GSG1L2: variants seen among roughly 807,000 people sequenced by gnomAD.
GSG1L2 encodes the protein germ cell-specific gene 1-like protein 2.
In GSG1L2, 15 loss-of-function variants were observed where a neutral mutation model predicts 9.0. That is an observed-to-expected ratio of 1.67 (90% CI 1.12 to 2.57). The LOEUF (loss-of-function observed/expected upper bound fraction) is 2.57. Ranked by LOEUF, GSG1L2 falls within the 30% of genes most tolerant of loss-of-function variation. The probability of loss-of-function intolerance (pLI) is 0.00; values close to 1 mark genes in which losing one functional copy is unlikely to be tolerated. For missense variants in GSG1L2, 286 were observed against 150.3 expected, an observed-to-expected ratio of 1.90 and a Z score of -4.72; for synonymous variants, 127 against 57.9, an observed-to-expected ratio of 2.19 and a Z score of -5.41.
At position 9,802,148 on chromosome 17, in the gene GSG1L2, G is replaced by C. The variant is rs1470759649; in HGVS notation, c.*238C>G. Among the ~76,000 whole-genome samples the C allele has an allele frequency of 6.6e-6, 1 of 152,148 alleles. No homozygotes were observed. The highest frequency in any genetic ancestry group is 2.4e-5 in the African/African-American group (1 of 41,422). On this transcript the variant is annotated 3_prime_UTR_variant, in exon 5 of 5. Coordinates refer to ENST00000399363, the MANE Select transcript of GSG1L2 (RefSeq NM_001310219.2). ...CATTAAGAAGCTCTCTTTTATACTAGAGTGTCAATGGTTGATATCTTCAGT... is the reference window on the plus strand; with the variant it reads ...CATTAAGAAGCTCTCTTTTATACTACAGTGTCAATGGTTGATATCTTCAGT...
intron 1 of GSG1L2, among the ~76,000 whole-genome samples, chr17:9,811,647 T>G (rs941809321): frequency 2.0e-5 from 3 of 152,180 alleles, no homozygotes; most frequent in African/African-American, 7.2e-5. Flanking sequence ...AATAGAATCA[T>G]AGACTGTCGA....
intron 1 of GSG1L2, among the ~76,000 whole-genome samples, chr17:9,818,501 ATTTTTTTTTTTTTT>A (rs377057350): frequency 3.6e-5 from 3 of 82,800 alleles, no homozygotes; most frequent in Middle Eastern, 9.3e-3. Context: ...ACACAGCTAA[ATTTTTTTTTTTTTT>A]TTTTTTTTTT....
In GSG1L2 at chr17:9,802,618, C is replaced by T. The variant is rs973842154; in HGVS notation, c.650G>A (p.Cys217Tyr). Reference sequence around the variant, plus strand: ...CATGGCCGAGACCGACACAGCCAGGCAGAGGGCGAAAGAACCCCAGGCAAG... The same window carrying T: ...CATGGCCGAGACCGACACAGCCAGGTAGAGGGCGAAAGAACCCCAGGCAAG... Reference protein sequence around the residue: ...YCLAWGSFALCLAVSVSAMSR... With the variant: ...YCLAWGSFALYLAVSVSAMSR... Residue 217 changes from cysteine to tyrosine, a missense_variant, in exon 5 of 5, where the codon TGC becomes TAC. By Grantham distance (194) the Cys-to-Tyr change is radical (BLOSUM62 -2). Transcript: ENST00000399363. 1.7e-5 allele frequency: 12 copies of T among 702,762 alleles called. No individual in the cohort carries two copies. Among genetic ancestry groups the T allele is most frequent in the Non-Finnish European group, 2.9e-5 (11 of 384,980 alleles). 43.5% of individuals were successfully genotyped at this position (702,762 alleles called of 1,614,324 possible). A position where few individuals can be genotyped will look rare whatever the true frequency, so the allele number is the denominator to read the frequency against.
chr17:9,808,739 G>C lies in GSG1L2; in HGVS notation c.511+91C>G, dbSNP rs76548690. 1.3e-3 allele frequency: 825 copies of C among 647,166 alleles called. 2 individuals carry two copies. The African/African-American group carries it at 0.013, about 11-fold the overall frequency. 40.1% of individuals were successfully genotyped at this position (647,166 alleles called of 1,614,324 possible). ...CTTAAATGGCCATTGATGGGAAAGA[G>C]CCAGCCTGTTCTTTGGTAATGAGCA... On this transcript the variant is annotated intron_variant, in intron 3 of 4. Transcript: ENST00000399363.
At chr17:9,813,720 G>A (rs1012349223) in intron 1 of GSG1L2, among the ~76,000 whole-genome samples, 43 of 152,154 alleles carry the variant, frequency 2.8e-4, no homozygotes, top group Non-Finnish European at 1.6e-4. Flanking sequence ...ATACCCTGGC[G>A]AGTCAGGCCA....
At chr17:9,809,321 G>A (rs759114275) in intron 2 of GSG1L2, 1 of 348,746 alleles carries the variant, frequency 2.9e-6, no homozygotes, top group Non-Finnish European at 5.5e-6. Context: ...CTGCCGGTGG[G>A]TTCATGGTCT....
At chr17:9,802,686 G>T in intron 4 of GSG1L2, 42 bp from the exon 5 acceptor site, 1 of 692,570 alleles carries the variant, frequency 1.4e-6, no homozygotes, top group South Asian at 1.5e-5. Context: ...TGAGGGCTGT[G>T]ATTCCAGGAC....
chr17:9,818,781 C>T (rs898252129), intron 1 of GSG1L2, among the ~76,000 whole-genome samples: 1 of 98,988 alleles, frequency 1.0e-5, no homozygotes, highest in Non-Finnish European at 1.8e-5. Flanking sequence ...CCACCTCTAA[C>T]AAAGGCGGAT....
At chr17:9,803,003 G>T (rs1308312691) in intron 4 of GSG1L2, among the ~76,000 whole-genome samples, 3 of 152,134 alleles carry the variant, frequency 2.0e-5, no homozygotes, top group African/African-American at 7.2e-5. Flanking sequence ...TGAATGCGTG[G>T]GAAGTATTAA....
chr17:9,816,655 CTGTGTGTGCGT>C (rs2066564819), intron 1 of GSG1L2, among the ~76,000 whole-genome samples: 2 of 83,932 alleles, frequency 2.4e-5, no homozygotes, highest in South Asian at 1.3e-3. Flanking sequence ...CTGTGTGTGT[CTGTGTGTGCGT>C]GTGTGTCTGT....
intron 1 of GSG1L2, among the ~76,000 whole-genome samples, chr17:9,814,558 G>A (rs1369938660): frequency 6.6e-6 from 1 of 152,180 alleles, no homozygotes; most frequent in Non-Finnish European, 1.5e-5. Flanking sequence ...AGCTTAGACG[G>A]GTGAGTTCAG....
At chr17:9,818,882 G>A (rs1278705757) in intron 1 of GSG1L2, among the ~76,000 whole-genome samples, 7 of 152,034 alleles carry the variant, frequency 4.6e-5, no homozygotes, top group African/African-American at 1.2e-4. Context: ...GTCCTTGTTC[G>A]TTTGTACCTT....
chr17:9,805,269 C>T (rs2066512438), intron 4 of GSG1L2, among the ~76,000 whole-genome samples: 1 of 151,118 alleles, frequency 6.6e-6, no homozygotes, highest in South Asian at 2.1e-4. Context: ...GCTCCCCCCT[C>T]CCCCACCCCA....
intron 1 of GSG1L2, among the ~76,000 whole-genome samples, chr17:9,817,511 G>T (rs139716046): frequency 6.8e-6 from 1 of 146,920 alleles, no homozygotes; most frequent in African/African-American, 2.5e-5. Context: ...TGCAACCCCC[G>T]CCTCCCAGGT....
rs111484974 is a variant in GSG1L2, at chr17:9,809,529, T to G, written c.359-547A>C. 6.3e-3 allele frequency: 1,006 copies of G among 159,632 alleles called. 10 individuals are homozygous for G. The highest frequency in any genetic ancestry group is 7.3e-3 in the Non-Finnish European group (533 of 72,714). 9.9% of individuals were successfully genotyped at this position (159,632 alleles called of 1,614,324 possible). On this transcript the variant is annotated intron_variant, in intron 2 of 4. Coordinates refer to ENST00000399363, the MANE Select transcript of GSG1L2 (RefSeq NM_001310219.2). Reference sequence around the variant, plus strand: ...CAGCTTTTATCCCCTTATTGGCCCCTCCCATGTTCTGTTTCTGTCCTATCA... The same window carrying G: ...CAGCTTTTATCCCCTTATTGGCCCCGCCCATGTTCTGTTTCTGTCCTATCA...
intron 4 of GSG1L2, among the ~76,000 whole-genome samples, chr17:9,806,302 T>C (rs2152022298): frequency 6.6e-6 from 1 of 152,280 alleles, no homozygotes; most frequent in East Asian, 1.9e-4. Context: ...TGTGAATAAA[T>C]GTTTTATCTG....
At chr17:9,816,522 C>CTGTGTGTGTGTGTG (rs1491196761) in intron 1 of GSG1L2, among the ~76,000 whole-genome samples, 111 of 140,766 alleles carry the variant, frequency 7.9e-4, no homozygotes, top group Admixed American at 3.8e-3. Context: ...GTGTGCGTGT[C>CTGTGTGTGTGTGTG]TGTGTCTCTG....
rs2066520805 is a variant in GSG1L2 at position 9,807,552 on chromosome 17, G to A, written c.561C>T (p.Ile187=). ...AHMMYTTIFQ[I]TVNLGPEDWK... ...AATCTTCTGGTCCAAGGTTCACAGT[G>A]ATTTGAAAAATGGTTGTGTACATCA... The change falls in exon 4 of 5, where the codon ATC becomes ATT. Residue 187 remains isoleucine (I), a synonymous_variant. Transcript: ENST00000399363. 2 of 703,086 alleles carry A rather than the reference G, an allele frequency of 2.8e-6. No homozygotes were observed. The highest frequency in any genetic ancestry group is 5.2e-6 in the Non-Finnish European group (2 of 385,032). 43.6% of individuals were successfully genotyped at this position (703,086 alleles called of 1,614,324 possible).
rs1409326290 is a variant in GSG1L2 at position 9,808,942 on chromosome 17, G to A, written c.399C>T (p.Ile133=). 1 of 703,030 alleles carries A rather than the reference G, an allele frequency of 1.4e-6. No homozygotes were observed. The highest frequency in any genetic ancestry group is 2.7e-5 in the East Asian group (1 of 37,280). The allele number at this position is 703,030 out of a possible 1,614,324, so 43.5% of individuals were successfully genotyped here. ...GGATGGCGCTTGTCAGTATCAGAAC[G>A]ATATCCAGGACCTCGCCCCCGATGG... is the stretch of plus-strand genomic sequence containing the variant. ...WLSIGGEVLD[I]VLILTSAILL... The change falls in exon 3 of 5, where the codon ATC becomes ATT. Residue 133 remains isoleucine, a synonymous_variant. Coordinates refer to ENST00000399363, the MANE Select transcript of GSG1L2 (RefSeq NM_001310219.2).
Sources: gnomAD v4.1 joint callset for allele counts (sites outside exome capture counted in the v4.1 genomes callset) on GRCh38, gnomAD v4.1.1 for gene constraint, MANE v1.5 for transcripts, NCBI Gene and HGNC (gene_info 2026-07-23, HGNC 2026-07-21) for gene names.